Variants in PAPPA2 observed in about 807,000 individuals in gnomAD.
The protein encoded by PAPPA2 is pappalysin 2.
PAPPA2 carries 86 observed loss-of-function variants against 176.4 expected under a neutral mutation model. That is an observed-to-expected ratio of 0.49 (90% CI 0.41 to 0.58). PAPPA2 has a LOEUF of 0.58. Ranked by LOEUF, PAPPA2 falls within the 20% of genes least tolerant of loss-of-function variation. PAPPA2 has a pLI of 0.00. For synonymous variants in PAPPA2, 809 were observed against 852.2 expected (o/e 0.95, Z 0.88); for missense variants, 2,073 against 2,256.9 (o/e 0.92, Z 1.65).
At chr1:176,486,128 C>A (rs1479359081) in intron 1 of PAPPA2, among the ~76,000 whole-genome samples, 5 of 152,116 alleles carry the variant, frequency 3.3e-5, no homozygotes, top group Admixed American at 1.3e-4. Flanking sequence ...CGTGAGGTAC[C>A]CTCCTCAAAG....
chr1:176,640,710 T>A (rs1558490871), intron 3 of PAPPA2, among the ~76,000 whole-genome samples: 2 of 151,882 alleles, frequency 1.3e-5, no homozygotes, highest in African/African-American at 4.8e-5. Context: ...TACCCAGTAA[T>A]GGGATGGCTG....
At chr1:176,487,399 T>C (rs761420734) in intron 1 of PAPPA2, among the ~76,000 whole-genome samples, 1 of 152,216 alleles carries the variant, frequency 6.6e-6, no homozygotes, top group Non-Finnish European at 1.5e-5. Flanking sequence ...CTGATGACCT[T>C]GCTACTGTTC....
intron 2 of PAPPA2, among the ~76,000 whole-genome samples, chr1:176,593,735 G>T (rs947417211): frequency 6.6e-6 from 1 of 152,176 alleles, no homozygotes; most frequent in Admixed American, 6.5e-5. Flanking sequence ...CCCTGGGCCT[G>T]CCCTGAGCAA....
Position 176,769,626 on chromosome 1 carries a change from G to A in PAPPA2, c.4343G>A (p.Cys1448Tyr). The part of the protein sequence containing the change: ...RPMQKEILLT[C>Y]SSGHWDQNVS... Reference sequence around the variant, plus strand: ...TTCTAGAAGGAAATTCTGCTCACATGTTCTTCTGGGCACTGGGACCAGAAT... The same window carrying A: ...TTCTAGAAGGAAATTCTGCTCACATATTCTTCTGGGCACTGGGACCAGAAT... The change falls in exon 16 of 23, where the codon TGT becomes TAT. Residue 1448 changes from cysteine (C) to tyrosine (Y), a missense_variant. Coordinates refer to ENST00000367662, the MANE Select transcript of PAPPA2 (RefSeq NM_020318.3). The A allele has an allele frequency of 6.2e-7, 1 of 1,613,232 alleles. No individual in the cohort carries two copies. Among genetic ancestry groups the A allele is most frequent in the Non-Finnish European group, 8.5e-7 (1 of 1,179,804 alleles).
In PAPPA2 at chr1:176,769,713, T is replaced by A; in HGVS notation, c.4430T>A (p.Phe1477Tyr). 1 of 1,613,796 alleles carries A rather than the reference T, an allele frequency of 6.2e-7. No homozygotes were observed. ...CCGTCTTTGGTGAACTATGCAAACT[T>A]CTCCTGCTCAGAGGGAACCAAATTT... ...PDPSLVNYAN[F>Y]SCSEGTKFLK... The change falls in exon 16 of 23, where the codon TTC becomes TAC. Residue 1477 changes from phenylalanine to tyrosine, a missense_variant. By Grantham distance (22) the Phe-to-Tyr change is conservative. Coordinates refer to ENST00000367662, the MANE Select transcript of PAPPA2 (RefSeq NM_020318.3).
chr1:176,604,426 T>TA lies in PAPPA2; in HGVS notation c.1991+8838dup. Among the ~76,000 whole-genome samples, 8 of 152,302 alleles carry TA rather than the reference T, an allele frequency of 5.3e-5. 1 individual carries two copies. In the East Asian group the frequency reaches 1.5e-3, roughly 29 times the overall value. ...GACTAAGTATTCAATAAATAATTGT[T>TA]AAAAAAAGGAATGTTCTTATTCTAG... On this transcript the variant is annotated intron_variant, in intron 3 of 22. Coordinates refer to ENST00000367662, the MANE Select transcript of PAPPA2 (RefSeq NM_020318.3).
intron 1 of PAPPA2, among the ~76,000 whole-genome samples, chr1:176,465,693 T>C (rs922174716): frequency 4.0e-5 from 6 of 151,838 alleles, no homozygotes; most frequent in Admixed American, 3.9e-4. Flanking sequence ...GTTTGTTATA[T>C]AGGTAAACTT....
In PAPPA2 at chr1:176,481,879, AT is replaced by A. The variant is rs796526652; in HGVS notation, c.-917+18473del. 4.1e-3 allele frequency among the ~76,000 whole-genome samples: 592 copies of A among 144,166 alleles called. 4 individuals are homozygous for A. The highest frequency in any genetic ancestry group is 9.0e-3 in the African/African-American group (355 of 39,580). 94.6% of individuals were successfully genotyped at this position (144,166 alleles called of 152,430 possible). A position where few individuals can be genotyped will look rare whatever the true frequency, so the allele number is the denominator to read the frequency against. On this transcript the variant is annotated intron_variant, in intron 1 of 22. Coordinates refer to ENST00000367662, the MANE Select transcript of PAPPA2 (RefSeq NM_020318.3). ...ACCACTATGCCTGGCTAAACTTTGT[AT>A]TTTTTTTTTTTAGTAGAGATCTGGT...
intron 1 of PAPPA2, among the ~76,000 whole-genome samples, chr1:176,508,692 G>A (rs1455265721): frequency 1.3e-5 from 2 of 152,132 alleles, no homozygotes; most frequent in African/African-American, 4.8e-5. Context: ...TTGGGGGAGT[G>A]ACCTCGTGGG....
At chr1:176,618,375 T>C (rs1341820416) in intron 3 of PAPPA2, among the ~76,000 whole-genome samples, 3 of 152,212 alleles carry the variant, frequency 2.0e-5, no homozygotes, top group African/African-American at 4.8e-5. Flanking sequence ...ATTGACCCAA[T>C]GCTTCTTAGT....
chr1:176,776,253 C>T (rs1455492651), intron 17 of PAPPA2, among the ~76,000 whole-genome samples: 1 of 152,088 alleles, frequency 6.6e-6, no homozygotes, highest in Non-Finnish European at 1.5e-5. Context: ...GTTAGGTTAA[C>T]GTCATTAGAG....
In PAPPA2 at chr1:176,631,924, T is replaced by C. The variant is rs575486630; in HGVS notation, c.1991+36329T>C. 3.9e-5 allele frequency among the ~76,000 whole-genome samples: 6 copies of C among 152,178 alleles called. No homozygotes were observed. The East Asian group carries it at 1.2e-3, about 29-fold the overall frequency. ...GAGAGATGGAAAGTGATGGGATCTA[T>C]TGCACAGGTGGAGGAGAGAAGAGGG... On this transcript the variant is annotated intron_variant, in intron 3 of 22. Coordinates refer to ENST00000367662, the MANE Select transcript of PAPPA2 (RefSeq NM_020318.3).
chr1:176,473,584 T>C (rs1651982776), intron 1 of PAPPA2, among the ~76,000 whole-genome samples: 1 of 152,214 alleles, frequency 6.6e-6, no homozygotes, highest in South Asian at 2.1e-4. Flanking sequence ...TAAGGGTATG[T>C]TTAGTTTTGT....
intron 2 of PAPPA2, among the ~76,000 whole-genome samples, chr1:176,587,055 T>G (rs1573083359): frequency 6.6e-6 from 1 of 152,240 alleles, no homozygotes; most frequent in African/African-American, 2.4e-5. Context: ...GAGCTTTTTT[T>G]CATATGTTTG....
At chr1:176,618,860 C>T (rs1573137065) in intron 3 of PAPPA2, among the ~76,000 whole-genome samples, 1 of 152,022 alleles carries the variant, frequency 6.6e-6, no homozygotes, top group East Asian at 1.9e-4. Flanking sequence ...GGGAAGTGGG[C>T]TGTGGGGGCA....
chr1:176,636,519 G>T (rs1656708640), intron 3 of PAPPA2, among the ~76,000 whole-genome samples: 2 of 152,140 alleles, frequency 1.3e-5, no homozygotes, highest in South Asian at 4.1e-4. Flanking sequence ...GAAGTTTTTA[G>T]AATTAGTGGG....
At chr1:176,643,296 T>A (rs1031495006) in intron 3 of PAPPA2, among the ~76,000 whole-genome samples, 4 of 151,888 alleles carry the variant, frequency 2.6e-5, no homozygotes, top group African/African-American at 9.7e-5. Flanking sequence ...ACCAATGCTC[T>A]AAAAACATAA....
chr1:176,621,593 T>C (rs1655601572), intron 3 of PAPPA2, among the ~76,000 whole-genome samples: 1 of 152,194 alleles, frequency 6.6e-6, no homozygotes, highest in South Asian at 2.1e-4. Context: ...GCAATGGTGG[T>C]TGTTTTTGAC....
chr1:176,614,366 G>C (rs966705070), intron 3 of PAPPA2, among the ~76,000 whole-genome samples: 1 of 152,194 alleles, frequency 6.6e-6, no homozygotes, highest in African/African-American at 2.4e-5. Context: ...GCCACGTACT[G>C]TCTTGTAGCA....
Sources: gnomAD v4.1 joint callset for allele counts (sites outside exome capture counted in the v4.1 genomes callset) on GRCh38, gnomAD v4.1.1 for gene constraint, MANE v1.5 for transcripts, NCBI Gene and HGNC (gene_info 2026-07-23, HGNC 2026-07-21) for gene names.